Variants in PACS1 observed in about 807,000 individuals in gnomAD.
PACS1 encodes PACS-1.
In PACS1, 24 loss-of-function variants were observed where a neutral mutation model predicts 115.0. The observed-to-expected ratio is 0.21, with a 90% CI of 0.15 to 0.29. PACS1 has a LOEUF of 0.29. Ranked by LOEUF, PACS1 falls within the 10% of genes least tolerant of loss-of-function variation. The pLI, the probability that PACS1 is intolerant of heterozygous loss-of-function variation, is 1.00. For missense variants in PACS1, 838 were observed against 1,251.2 expected (o/e 0.67, Z 4.98); for synonymous variants, 453 against 504.5 (o/e 0.90, Z 1.37).
At chr11:66,073,488 A>C (rs1857344963) in intron 1 of PACS1, among the ~76,000 whole-genome samples, 1 of 152,200 alleles carries the variant, frequency 6.6e-6, no homozygotes, top group Non-Finnish European at 1.5e-5. Context: ...GGGCTCGAAC[A>C]GTACAGTGTT....
intron 1 of PACS1, among the ~76,000 whole-genome samples, chr11:66,117,543 G>A (rs1260265128): frequency 6.6e-6 from 1 of 151,746 alleles, no homozygotes; most frequent in Non-Finnish European, 1.5e-5. Context: ...CCCTCAACAT[G>A]TGATTAAAAG....
At chr11:66,097,575 C>G (rs989330166) in intron 1 of PACS1, among the ~76,000 whole-genome samples, 1 of 152,196 alleles carries the variant, frequency 6.6e-6, no homozygotes, top group African/African-American at 2.4e-5. Context: ...GAGGACCCAG[C>G]TAAACTGTGC....
At chr11:66,191,750 G>A (rs528608494) in intron 1 of PACS1, among the ~76,000 whole-genome samples, 5 of 152,304 alleles carry the variant, frequency 3.3e-5, no homozygotes, top group South Asian at 2.1e-4. Context: ...GTGACTGGGC[G>A]TGGTGGCTCA....
chr11:66,135,020 G>T (rs778660865), intron 1 of PACS1, among the ~76,000 whole-genome samples: 4 of 152,150 alleles, frequency 2.6e-5, no homozygotes, highest in Non-Finnish European at 4.4e-5. Context: ...AGACCAGCCT[G>T]GCCATCATGG....
At chr11:66,222,621 T>TAAAG (rs1427209273) in intron 10 of PACS1, among the ~76,000 whole-genome samples, 2 of 152,122 alleles carry the variant, frequency 1.3e-5, no homozygotes, top group Non-Finnish European at 2.9e-5. Context: ...AAGAAACAAA[T>TAAAG]CCTTTAAGTC....
In PACS1 at chr11:66,193,562, G is replaced by C; in HGVS notation, c.433G>C (p.Val145Leu). ...DKDLNSVVIA[V>L]KLQGSKRILR... ...AGATCTTAACTCAGTGGTCATCGCT[G>C]TGAAGCTGCAGGTGAGTGGGGCAGG... Residue 145 changes from valine (V) to leucine (L), a missense_variant, in exon 2 of 24, where the codon GTG becomes CTG. By Grantham distance (32) the Val-to-Leu change is conservative. Coordinates refer to ENST00000320580, the MANE Select transcript of PACS1 (RefSeq NM_018026.4). The C allele has an allele frequency of 6.2e-7, 1 of 1,612,930 alleles. No individual in the cohort carries two copies. The highest frequency in any genetic ancestry group is 8.5e-7 in the Non-Finnish European group (1 of 1,178,898).
chr11:66,147,091 G>A (rs1859142481), intron 1 of PACS1, among the ~76,000 whole-genome samples: 2 of 152,036 alleles, frequency 1.3e-5, no homozygotes, highest in African/African-American at 4.8e-5. Flanking sequence ...GAATAAGAAT[G>A]TCTTGAAAGC....
chr11:66,235,031 T>A lies in PACS1; in HGVS notation c.2105-270T>A, dbSNP rs1043671682. Reference sequence around the variant, plus strand: ...GCTCCTCCAGGCCACCGGATGGGTATGTGCAAGGACAGGCAGGAGCAAGTG... The same window carrying A: ...GCTCCTCCAGGCCACCGGATGGGTAAGTGCAAGGACAGGCAGGAGCAAGTG... On this transcript the variant is annotated intron_variant, in intron 17 of 23. Coordinates refer to ENST00000320580, the MANE Select transcript of PACS1 (RefSeq NM_018026.4). The surrounding 1 kb of genome is among the most constrained non-coding windows in gnomAD (Gnocchi z 5.6). 1.3e-5 allele frequency among the ~76,000 whole-genome samples: 2 copies of A among 152,046 alleles called. No homozygotes were observed. Among genetic ancestry groups the A allele is most frequent in the Admixed American group, 6.6e-5 (1 of 15,252 alleles).
At chr11:66,134,654 A>G (rs1365017112) in intron 1 of PACS1, among the ~76,000 whole-genome samples, 4 of 151,962 alleles carry the variant, frequency 2.6e-5, no homozygotes, top group East Asian at 1.9e-4. Flanking sequence ...CAGCCTGTAC[A>G]TATGGAAGTC....
intron 21 of PACS1, among the ~76,000 whole-genome samples, chr11:66,240,004 T>C (rs997373391): frequency 6.6e-6 from 1 of 152,244 alleles, no homozygotes; most frequent in African/African-American, 2.4e-5. Context: ...TTCTTTCTAG[T>C]GTCTTCCTTT....
chr11:66,227,409 A>C (rs1855489475), intron 10 of PACS1, 95 bp from the exon 11 acceptor site: 1 of 714,380 alleles, frequency 1.4e-6, no homozygotes, highest in Non-Finnish European at 2.4e-6. Context: ...TTTGAGATTA[A>C]ATGAAAGTAT....
chr11:66,102,905 A>G (rs1857952073), intron 1 of PACS1, among the ~76,000 whole-genome samples: 1 of 152,212 alleles, frequency 6.6e-6, no homozygotes, highest in South Asian at 2.1e-4. Context: ...ATCTCAGCTC[A>G]CTGCAACCTC....
intron 4 of PACS1, among the ~76,000 whole-genome samples, chr11:66,213,388 A>G (rs1855123593): frequency 6.6e-6 from 1 of 152,216 alleles, no homozygotes; most frequent in South Asian, 2.1e-4. Flanking sequence ...TCTGGTACAA[A>G]ACATTTCAGG....
In PACS1 at chr11:66,233,463, T is replaced by G. The variant is rs1590839204; in HGVS notation, c.1839-322T>G. Among the ~76,000 whole-genome samples, 1 of 152,166 alleles carries G rather than the reference T, an allele frequency of 6.6e-6. No individual in the cohort carries two copies. ...TCAGGGCCTTCTTAAAAGGCCCAAG[T>G]CCCTTGCCCTTGTGAAAGAGAACTA... On this transcript the variant is annotated intron_variant, in intron 15 of 23. Transcript: ENST00000320580. The surrounding 1 kb of genome is among the most constrained non-coding windows in gnomAD (Gnocchi z 4.5).
chr11:66,091,636 G>A (rs1472503936), intron 1 of PACS1, among the ~76,000 whole-genome samples: 1 of 150,912 alleles, frequency 6.6e-6, no homozygotes, highest in Non-Finnish European at 1.5e-5. Context: ...TCATCATTTA[G>A]CATTAGGTAT....
rs187871943 is a variant in PACS1 at position 66,071,473 on chromosome 11, A to G, written c.356+631A>G. ...GAATCTCCCAGCTCTGCAGGGCTGT[A>G]TGAAATTACTGCCTTGTTCCTAAAT... On this transcript the variant is annotated intron_variant, in intron 1 of 23. Coordinates refer to ENST00000320580, the MANE Select transcript of PACS1 (RefSeq NM_018026.4). Among the ~76,000 whole-genome samples, 188 of 152,288 alleles carry G rather than the reference A, an allele frequency of 1.2e-3. 2 individuals are homozygous for G. Among genetic ancestry groups the G allele is most frequent in the Non-Finnish European group, 2.3e-3 (155 of 68,022 alleles).
At chr11:66,191,072 TG>T (rs1649336285) in intron 1 of PACS1, among the ~76,000 whole-genome samples, 1 of 152,224 alleles carries the variant, frequency 6.6e-6, no homozygotes, top group South Asian at 2.1e-4. Context: ...TAGGTTTCAC[TG>T]GGCAGCACGG....
chr11:66,238,660 C>G (rs1271973989), intron 19 of PACS1, 144 bp from the exon 20 acceptor site: 2 of 786,330 alleles, frequency 2.5e-6, no homozygotes, highest in Non-Finnish European at 4.2e-6. Flanking sequence ...GCCACCACGC[C>G]CAGCCCAGAT....
intron 4 of PACS1, among the ~76,000 whole-genome samples, chr11:66,213,539 A>T (rs898110709): frequency 3.9e-5 from 6 of 152,076 alleles, no homozygotes; most frequent in African/African-American, 1.2e-4. Flanking sequence ...GGTGTCATGC[A>T]CTCCCACTGA....
Sources: gnomAD v4.1 joint callset for allele counts (sites outside exome capture counted in the v4.1 genomes callset) on GRCh38, gnomAD v4.1.1 for gene constraint, Gnocchi (gnomAD v3.1) non-coding constraint, MANE v1.5 for transcripts, NCBI Gene and HGNC (gene_info 2026-07-23, HGNC 2026-07-21) for gene names.